The following FTO variants were observed in gnomAD, a reference collection of about 807,000 sequenced individuals.
FTO encodes the protein FTO alpha-ketoglutarate dependent dioxygenase, also known as alpha-ketoglutarate-dependent dioxygenase FTO.
Under a neutral mutation model 63.9 loss-of-function variants are expected in FTO, and 47 were observed. The ratio of observed to expected loss-of-function variants is 0.74; its 90% CI spans 0.58 to 0.94. The LOEUF (loss-of-function observed/expected upper bound fraction) is 0.94, where lower values mean the gene tolerates loss of function less well. Among genes scored for constraint, FTO ranks in the 40% least tolerant of loss-of-function variants. The pLI is 0.00. For synonymous variants in FTO, 207 were observed against 224.4 expected (o/e 0.92, Z 0.69); for missense variants, 562 against 618.1 (o/e 0.91, Z 0.96).
At chr16:53,969,571 C>T (rs7194907) in intron 8 of FTO, among the ~76,000 whole-genome samples, 78,022 of 151,990 alleles carry the variant, frequency 0.51, 20,476 homozygotes, top group East Asian at 0.76. Flanking sequence ...TTTGTGGCGA[C>T]TCACAAACAG....
chr16:53,709,553 GC>G (rs1461414919), intron 1 of FTO, among the ~76,000 whole-genome samples: 1 of 152,168 alleles, frequency 6.6e-6, no homozygotes, highest in Non-Finnish European at 1.5e-5. Flanking sequence ...AGAGTAGCAT[GC>G]CCTTGATTGA....
At chr16:53,760,227 TGTGTGTGTGTGTGTGTGTGTGTGTGTG>T (rs1368866960) in intron 1 of FTO, among the ~76,000 whole-genome samples, 56,218 of 120,258 alleles carry the variant, frequency 0.47, 12,152 homozygotes, top group Middle Eastern at 0.55. Flanking sequence ...TGTGTGTGTG[TGTGTGTGTGTGTGTGTGTGTGTGTGTG>T]TGTGTGTTTT....
intron 4 of FTO, among the ~76,000 whole-genome samples, chr16:53,862,693 A>C (rs2080210495): frequency 6.7e-6 from 1 of 148,928 alleles, no homozygotes; most frequent in Non-Finnish European, 1.5e-5. Context: ...CTGCCACCAC[A>C]CCCAGCTAAT....
At chr16:53,803,801 C>T (rs1407282594) in intron 1 of FTO, among the ~76,000 whole-genome samples, 3 of 152,120 alleles carry the variant, frequency 2.0e-5, no homozygotes, top group Non-Finnish European at 4.4e-5. Flanking sequence ...AGTAGGTGAT[C>T]ACCACAACAT....
chr16:53,984,830 A>T (rs2083629072), intron 8 of FTO: 1 of 426,170 alleles, frequency 2.3e-6, no homozygotes. Context: ...AATTATTTTA[A>T]TATTGATTCT....
chr16:53,962,150 C>A (rs1311145027), intron 8 of FTO, among the ~76,000 whole-genome samples: 1 of 152,172 alleles, frequency 6.6e-6, no homozygotes, highest in Non-Finnish European at 1.5e-5. Context: ...TCTGAGGCCT[C>A]TGTTTCTGTG....
chr16:53,720,615 G>GAT lies in FTO; in HGVS notation c.45+16397_45+16398dup, dbSNP rs1296374767. Among the ~76,000 whole-genome samples, 65 of 143,504 alleles carry GAT rather than the reference G, an allele frequency of 4.5e-4. 1 individual carries two copies. The highest frequency in any genetic ancestry group is 1.3e-3 in the Admixed American group (19 of 14,326). 94.1% of individuals were successfully genotyped at this position (143,504 alleles called of 152,430 possible). A position where few individuals can be genotyped will look rare whatever the true frequency, so the allele number is the denominator to read the frequency against. On this transcript the variant is annotated intron_variant, in intron 1 of 8. Transcript: ENST00000471389. ...TATTAGGAACACAGAAACTTAAAAA[G>GAT]ATATATATATATCTTTTATATATAT...
intron 8 of FTO, among the ~76,000 whole-genome samples, chr16:54,056,823 A>T (rs2085446532): frequency 6.6e-6 from 1 of 152,204 alleles, no homozygotes; most frequent in African/African-American, 2.4e-5. Context: ...ACTGTGAAAT[A>T]ATAATGTTTG....
chr16:53,904,384 T>C (rs1026986076), intron 7 of FTO, among the ~76,000 whole-genome samples: 4 of 152,184 alleles, frequency 2.6e-5, no homozygotes, highest in African/African-American at 7.2e-5. Context: ...TTACCCAGGC[T>C]CCATTCTGTT....
chr16:53,784,409 T>C (rs1337482578), intron 1 of FTO, among the ~76,000 whole-genome samples: 1 of 152,224 alleles, frequency 6.6e-6, no homozygotes, highest in Non-Finnish European at 1.5e-5. Context: ...TATGGTTATA[T>C]GGTGACTTTC....
intron 7 of FTO, among the ~76,000 whole-genome samples, chr16:53,925,347 G>A (rs574411131): frequency 4.3e-4 from 65 of 152,116 alleles, no homozygotes; most frequent in African/African-American, 1.5e-3. Context: ...CATTTTTCCC[G>A]TAATGACAGT....
intron 1 of FTO, among the ~76,000 whole-genome samples, chr16:53,781,876 G>T (rs2077597306): frequency 6.6e-6 from 1 of 152,126 alleles, no homozygotes; most frequent in African/African-American, 2.4e-5. Context: ...GCACATCAGG[G>T]TTCAGATTTC....
chr16:53,796,049 C>CTTTT (rs745383491), intron 1 of FTO, among the ~76,000 whole-genome samples: 5 of 138,418 alleles, frequency 3.6e-5, no homozygotes, highest in Admixed American at 1.5e-4. Context: ...TTCTTTCTTT[C>CTTTT]TTTTTTTTTT....
At chr16:53,951,695 A>G (rs2082805048) in intron 8 of FTO, among the ~76,000 whole-genome samples, 1 of 152,188 alleles carries the variant, frequency 6.6e-6, no homozygotes, top group Admixed American at 6.5e-5. Flanking sequence ...ATATATCTCA[A>G]AAACTGATTC....
intron 7 of FTO, among the ~76,000 whole-genome samples, chr16:53,912,942 C>T (rs1245754527): frequency 3.3e-5 from 5 of 152,206 alleles, no homozygotes; most frequent in Non-Finnish European, 7.3e-5. Flanking sequence ...GAGTTCCTTC[C>T]AGTGAACTGT....
At chr16:53,755,892 C>T (rs1393217510) in intron 1 of FTO, among the ~76,000 whole-genome samples, 2 of 152,124 alleles carry the variant, frequency 1.3e-5, no homozygotes, top group Non-Finnish European at 2.9e-5. Context: ...AGGGGCCGGG[C>T]CTCTGAGAAC....
chr16:53,919,800 T>A (rs1393153475), intron 7 of FTO, among the ~76,000 whole-genome samples: 1 of 152,044 alleles, frequency 6.6e-6, no homozygotes, highest in South Asian at 2.1e-4. Context: ...GGCAAAGGCA[T>A]AAGAATGATA....
At chr16:53,971,161 T>C (rs1390020703) in intron 8 of FTO, among the ~76,000 whole-genome samples, 2 of 152,246 alleles carry the variant, frequency 1.3e-5, no homozygotes, top group East Asian at 3.8e-4. Flanking sequence ...TATTACAATA[T>C]GCAAAATCAT....
intron 8 of FTO, among the ~76,000 whole-genome samples, chr16:53,939,046 C>T (rs1453622257): frequency 1.3e-5 from 2 of 151,940 alleles, no homozygotes; most frequent in Admixed American, 6.6e-5. Flanking sequence ...TGCAGTGAGC[C>T]GAGATGACGC....
Sources: gnomAD v4.1 joint callset for allele counts (sites outside exome capture counted in the v4.1 genomes callset) on GRCh38, gnomAD v4.1.1 for gene constraint, MANE v1.5 for transcripts, NCBI Gene and HGNC (gene_info 2026-07-23, HGNC 2026-07-21) for gene names.